Variants in TAOK2 observed in about 807,000 individuals in gnomAD.
The protein encoded by TAOK2 is serine/threonine-protein kinase TAO2.
TAOK2 carries 42 observed loss-of-function variants against 122.5 expected under a neutral mutation model. That is an observed-to-expected ratio of 0.34 (90% CI 0.27 to 0.44). The LOEUF is 0.44. TAOK2 is among the 20% of genes least tolerant of loss of function. The pLI, the probability that TAOK2 is intolerant of heterozygous loss-of-function variation, is 1.00. For missense variants in TAOK2, 1,264 were observed against 1,644.9 expected, an observed-to-expected ratio of 0.77 and a Z score of 4.01; for synonymous variants, 704 against 677.6, an observed-to-expected ratio of 1.04 and a Z score of -0.61.
chr16:29,981,367 A>G (rs2150890275), intron 8 of TAOK2: 1 of 586,028 alleles, frequency 1.7e-6, no homozygotes, highest in East Asian at 2.8e-5. Context: ...TTTGGCACCT[A>G]AGAAATATTA....
chr16:29,989,455 CCT>C (rs1242197495), downstream of TAOK2: 23 of 1,491,094 alleles, frequency 1.5e-5, no homozygotes, highest in Middle Eastern at 2.0e-4. Flanking sequence ...TCTCCCTCTC[CCT>C]GTCTCTGCTT....
In TAOK2 at chr16:29,977,924, G is replaced by T; in HGVS notation, c.132+20G>T. 1.2e-6 allele frequency: 2 copies of T among 1,614,080 alleles called. No individual in the cohort carries two copies. Among genetic ancestry groups the T allele is most frequent in the Non-Finnish European group, 1.7e-6 (2 of 1,179,978 alleles). Reference sequence around the variant, plus strand: ...TACTTTGTGAGTTGGGTCTTGGGAGGGTGTAATAGGGATGGGGACTCTTCC... The same window carrying T: ...TACTTTGTGAGTTGGGTCTTGGGAGTGTGTAATAGGGATGGGGACTCTTCC... On this transcript the variant is annotated intron_variant, in intron 2 of 15. Transcript: ENST00000308893.
intron 8 of TAOK2, among the ~76,000 whole-genome samples, chr16:29,980,016 A>G (rs947619965): frequency 6.6e-6 from 1 of 152,206 alleles, no homozygotes; most frequent in African/African-American, 2.4e-5. Flanking sequence ...GAATGTAGGG[A>G]AGAGCTTTCC....
In TAOK2 at chr16:29,985,934, C is replaced by G; in HGVS notation, c.1992+73C>G. 1 of 1,521,076 alleles carries G rather than the reference C, an allele frequency of 6.6e-7. No homozygotes were observed. Among genetic ancestry groups the G allele is most frequent in the African/African-American group, 1.4e-5 (1 of 72,786 alleles). The allele number at this position is 1,521,076 out of a possible 1,614,324, so 94.2% of individuals were successfully genotyped here. A position where few individuals can be genotyped will look rare whatever the true frequency, so the allele number is the denominator to read the frequency against. ...GGGACCCACCCTTTTCCATTTTCCT[C>G]ATTCTTGTCTTCTTTCTCCTTGGCC... On this transcript the variant is annotated intron_variant, in intron 15 of 15. Transcript: ENST00000308893. The surrounding 1 kb of genome is among the most constrained non-coding windows in gnomAD (Gnocchi z 6.9).
Position 29,979,524 on chromosome 16 carries a change from C to T in TAOK2, c.655+16C>T. On this transcript the variant is annotated intron_variant, in intron 8 of 15. Transcript: ENST00000308893. This position sits in a 1 kb window ranked among gnomAD's most constrained non-coding sequence, Gnocchi z 4.1. ...ATCGAGCTGGGTAAGAACATCCTCC[C>T]TGTTCCCTCATCATCTTTTCCATTC... 2.7e-6 allele frequency: 4 copies of T among 1,501,650 alleles called. No homozygotes were observed. The highest frequency in any genetic ancestry group is 2.7e-6 in the Non-Finnish European group (3 of 1,122,634). The allele number at this position is 1,501,650 out of a possible 1,614,324, so 93.0% of individuals were successfully genotyped here. A position where few individuals can be genotyped will look rare whatever the true frequency, so the allele number is the denominator to read the frequency against.
chr16:29,977,108 C>T (rs2069478922), intron 1 of TAOK2, among the ~76,000 whole-genome samples: 1 of 152,188 alleles, frequency 6.6e-6, no homozygotes, highest in Non-Finnish European at 1.5e-5. Context: ...TAAGGTGGCC[C>T]AGAGCACAGA....
chr16:29,989,667 A>G (rs2069920813), downstream of TAOK2: 2 of 1,614,012 alleles, frequency 1.2e-6, no homozygotes, highest in Non-Finnish European at 1.7e-6. Flanking sequence ...AGGCTCTGCG[A>G]GCACACTTGC....
chr16:29,989,727 G>C (rs2069923048), downstream of TAOK2: 11 of 1,613,938 alleles, frequency 6.8e-6, no homozygotes, highest in Non-Finnish European at 9.3e-6. Flanking sequence ...AGCGGCTCAA[G>C]GAAGAGCAGA....
chr16:29,986,242 G>T lies in TAOK2; in HGVS notation c.1993-23G>T, dbSNP rs753544632. ...TTCCTTGATACTGACCAGGCCCCGG[G>T]CCCTGCATTTCTTCTGCCTCAGGAC... is the stretch of plus-strand genomic sequence containing the variant. On this transcript the variant is annotated intron_variant, in intron 15 of 15. Coordinates refer to ENST00000308893, the MANE Select transcript of TAOK2 (RefSeq NM_016151.4). The surrounding 1 kb of genome is among the most constrained non-coding windows in gnomAD (Gnocchi z 4.2). 2 of 1,508,356 alleles carry T rather than the reference G, an allele frequency of 1.3e-6. No homozygotes were observed. Among genetic ancestry groups the T allele is most frequent in the Admixed American group, 4.7e-5 (2 of 42,716 alleles). The allele number at this position is 1,508,356 out of a possible 1,614,324, so 93.4% of individuals were successfully genotyped here.
At chr16:29,990,779 C>T (rs1596624622), downstream of TAOK2, 3 of 1,600,978 alleles carry the variant, frequency 1.9e-6, no homozygotes, top group African/African-American at 1.3e-5. Context: ...GTTCATCTTC[C>T]CCAGCTGCGG....
chr16:29,989,857 T>G (rs2069926147), downstream of TAOK2: 1 of 1,584,108 alleles, frequency 6.3e-7, no homozygotes, highest in Non-Finnish European at 8.6e-7. Context: ...GCTCTGTACT[T>G]TGCTTTAGAG....
rs1338203348 is a variant in TAOK2, at chr16:29,986,082, C to T, written c.1993-183C>T. On this transcript the variant is annotated intron_variant, in intron 15 of 15. Transcript: ENST00000308893. This position sits in a 1 kb window ranked among gnomAD's most constrained non-coding sequence, Gnocchi z 4.2. Reference sequence around the variant, plus strand: ...GGGAGGAGCTTGCCTCCCCTACACCCTCATCTCCTGCCATCCCCAGCTCCC... The same window carrying T: ...GGGAGGAGCTTGCCTCCCCTACACCTTCATCTCCTGCCATCCCCAGCTCCC... Among the ~76,000 whole-genome samples, 2 of 152,212 alleles carry T rather than the reference C, an allele frequency of 1.3e-5. No homozygotes were observed. The highest frequency in any genetic ancestry group is 6.5e-5 in the Admixed American group (1 of 15,286).
In TAOK2 at chr16:29,986,429, G is replaced by A. The variant is rs1373900408; in HGVS notation, c.2157G>A (p.Glu719=). Residue 719 remains glutamate, a synonymous_variant, in exon 16 of 16, where the codon GAG becomes GAA. Coordinates refer to ENST00000308893, the MANE Select transcript of TAOK2 (RefSeq NM_016151.4). This position sits in a 1 kb window ranked among gnomAD's most constrained non-coding sequence, Gnocchi z 4.2. ...QHQTELGNQL[E]YNKRREQELR... is the part of the protein sequence containing the mutation. ...AGACGGAGCTGGGCAACCAGCTGGAGTACAACAAGCGGCGTGAGCAAGAGT... is the reference window on the plus strand; with the variant it reads ...AGACGGAGCTGGGCAACCAGCTGGAATACAACAAGCGGCGTGAGCAAGAGT... The A allele has an allele frequency of 5.6e-6, 9 of 1,611,050 alleles. No homozygotes were observed. The highest frequency in any genetic ancestry group is 7.6e-6 in the Non-Finnish European group (9 of 1,178,496).
intron 10 of TAOK2, among the ~76,000 whole-genome samples, chr16:29,982,349 G>A (rs1201376431): frequency 6.6e-6 from 1 of 152,160 alleles, no homozygotes; most frequent in Non-Finnish European, 1.5e-5. Context: ...ACAGACCCAT[G>A]GGGGCCTGAG....
chr16:29,978,512 G>A (rs1259296816), intron 4 of TAOK2, among the ~76,000 whole-genome samples, 159 bp downstream of exon 4: 2 of 152,166 alleles, frequency 1.3e-5, no homozygotes, highest in Admixed American at 6.5e-5. Context: ...CATACCCACT[G>A]AGCAAAAGCC....
At chr16:29,989,070 G>A, downstream of TAOK2, 1 of 985,346 alleles carries the variant, frequency 1.0e-6, no homozygotes, top group Non-Finnish European at 1.2e-6. Flanking sequence ...CTGAGCTGCT[G>A]GACCTGGGAC....
At chr16:29,982,553 C>G (rs1446121204) in intron 10 of TAOK2, among the ~76,000 whole-genome samples, 181 bp from the exon 11 acceptor site, 2 of 143,850 alleles carry the variant, frequency 1.4e-5, no homozygotes, top group African/African-American at 5.4e-5. Flanking sequence ...AAGAGTCTGT[C>G]TGGGGAGTAG....
At chr16:29,990,840 A>G (rs1182072689), downstream of TAOK2, 3 of 1,613,392 alleles carry the variant, frequency 1.9e-6, no homozygotes, top group South Asian at 1.1e-5. Context: ...AGCAGCTTCA[A>G]CAGGAGCTGG....
At chr16:29,990,743 G>T (rs760372136), downstream of TAOK2, 7 of 1,560,082 alleles carry the variant, frequency 4.5e-6, no homozygotes, top group East Asian at 6.8e-5. Context: ...TAGTGGGGGT[G>T]GGGGAGGAGA....
Sources: gnomAD v4.1 joint callset for allele counts (sites outside exome capture counted in the v4.1 genomes callset) on GRCh38, gnomAD v4.1.1 for gene constraint, Gnocchi (gnomAD v3.1) non-coding constraint, MANE v1.5 for transcripts, NCBI Gene and HGNC (gene_info 2026-07-23, HGNC 2026-07-21) for gene names.